SWAP70: variants seen among roughly 807,000 people sequenced by gnomAD.
SWAP70 encodes switching B cell complex subunit SWAP70, also known as switch-associated protein 70.
Under a neutral mutation model 80.2 loss-of-function variants are expected in SWAP70, and 34 were observed. That is an observed-to-expected ratio of 0.42 (90% CI 0.32 to 0.56). SWAP70 has a LOEUF of 0.56. Among genes scored for constraint, SWAP70 ranks in the 20% least tolerant of loss-of-function variants. The pLI, the probability that SWAP70 is intolerant of heterozygous loss-of-function variation, is 0.09. For missense variants in SWAP70, 578 were observed against 690.7 expected (o/e 0.84, Z 1.83); for synonymous variants, 239 against 238.5 (o/e 1.00, Z -0.02).
chr11:9,680,251 TAGA>T (rs1173455640), intron 1 of SWAP70, among the ~76,000 whole-genome samples: 1 of 152,162 alleles, frequency 6.6e-6, no homozygotes, highest in Non-Finnish European at 1.5e-5. Context: ...CTAGAGTGTG[TAGA>T]AGATGACCAC....
chr11:9,737,270 C>T (rs116708260), intron 7 of SWAP70, among the ~76,000 whole-genome samples: 64 of 152,026 alleles, frequency 4.2e-4, no homozygotes, highest in African/African-American at 1.5e-3. Context: ...TTTGGGGTTC[C>T]ATCTGCCAGG....
intron 2 of SWAP70, among the ~76,000 whole-genome samples, chr11:9,706,691 A>G (rs1850919348): frequency 6.6e-6 from 1 of 152,198 alleles, no homozygotes; most frequent in South Asian, 2.1e-4. Context: ...CTCTGGAGAC[A>G]TAAAAATAGG....
At chr11:9,715,312 C>T (rs993746353) in intron 3 of SWAP70, among the ~76,000 whole-genome samples, 1 of 152,008 alleles carries the variant, frequency 6.6e-6, no homozygotes, top group Non-Finnish European at 1.5e-5. Flanking sequence ...TGCTGGATAG[C>T]TTACAGAATC....
At chr11:9,732,398 C>T (rs534396632) in intron 6 of SWAP70, 131 bp from the exon 7 acceptor site, 16 of 965,164 alleles carry the variant, frequency 1.7e-5, no homozygotes, top group Middle Eastern at 2.7e-4. Flanking sequence ...TATGGAGTGA[C>T]AAAATCAGAA....
chr11:9,724,856 A>G lies in SWAP70; in HGVS notation c.613A>G (p.Asn205Asp), dbSNP rs779703255. 1 of 1,612,846 alleles carries G rather than the reference A, an allele frequency of 6.2e-7. No homozygotes were observed. Among genetic ancestry groups the G allele is most frequent in the South Asian group, 1.1e-5 (1 of 90,988 alleles). Residue 205 changes from asparagine (N) to aspartate (D), a missense_variant, in exon 4 of 12, where the codon AAT becomes GAT. Transcript: ENST00000318950. ...GTCTATGGCAATTAATGAAGTCTTT[A>G]ATGAACTTATATTAGATGTGTTAAA... ...TVSMAINEVF[N>D]ELILDVLKQG...
At chr11:9,715,728 G>A (rs1383000602) in intron 3 of SWAP70, among the ~76,000 whole-genome samples, 1 of 152,210 alleles carries the variant, frequency 6.6e-6, no homozygotes, top group East Asian at 1.9e-4. Context: ...AGAACAGCAC[G>A]GGAAAGACCT....
At chr11:9,687,574 T>G (rs575996704) in intron 1 of SWAP70, among the ~76,000 whole-genome samples, 4 of 152,348 alleles carry the variant, frequency 2.6e-5, no homozygotes, top group African/African-American at 9.6e-5. Flanking sequence ...AGGGGTAAGT[T>G]GGTAAGTTAT....
intron 3 of SWAP70, chr11:9,720,096 C>T (rs754834931): frequency 6.5e-5 from 64 of 985,154 alleles, no homozygotes; most frequent in Non-Finnish European, 6.7e-5. Context: ...GAGACTAAAA[C>T]GGCAACACAT....
intron 1 of SWAP70, among the ~76,000 whole-genome samples, chr11:9,685,124 T>C (rs1286602267): frequency 6.6e-6 from 1 of 151,942 alleles, no homozygotes; most frequent in African/African-American, 2.4e-5. Flanking sequence ...TTTCTTTTTT[T>C]TTTTTTTTGA....
Position 9,723,974 on chromosome 11 carries a change from A to G in SWAP70, c.415-684A>G, listed in dbSNP as rs542045424. Among the ~76,000 whole-genome samples the G allele has an allele frequency of 1.2e-4, 19 of 152,232 alleles. No individual in the cohort carries two copies. The South Asian group carries it at 3.5e-3, about 28-fold the overall frequency. ...TTTTTAGTAGAGACAGGGTTTCGCC[A>G]TGTTGGCCAGGCTGGTCTTGAACTC... On this transcript the variant is annotated intron_variant, in intron 3 of 11. Coordinates refer to ENST00000318950, the MANE Select transcript of SWAP70 (RefSeq NM_015055.4).
chr11:9,664,483 T>C (rs2134407684), intron 1 of SWAP70, among the ~76,000 whole-genome samples: 1 of 152,152 alleles, frequency 6.6e-6, no homozygotes, highest in South Asian at 2.1e-4. Flanking sequence ...ATGCCCTCGG[T>C]TGGATGTGTT....
chr11:9,733,375 C>T (rs966605264), intron 7 of SWAP70, among the ~76,000 whole-genome samples: 10 of 152,190 alleles, frequency 6.6e-5, no homozygotes, highest in Middle Eastern at 3.2e-3. Context: ...AGCTCAAGGA[C>T]TCTTTCATGC....
chr11:9,665,280 G>A (rs1850294644), intron 1 of SWAP70, among the ~76,000 whole-genome samples: 1 of 152,120 alleles, frequency 6.6e-6, no homozygotes, highest in Non-Finnish European at 1.5e-5. Context: ...TGGCTTTTAT[G>A]CCAGTAGGAC....
chr11:9,713,799 A>G (rs1406812247), intron 3 of SWAP70, among the ~76,000 whole-genome samples, 160 bp downstream of exon 3: 7 of 152,228 alleles, frequency 4.6e-5, no homozygotes, highest in Non-Finnish European at 8.8e-5. Flanking sequence ...AGCTCCAAAT[A>G]TAGTAATTTG....
intron 2 of SWAP70, among the ~76,000 whole-genome samples, chr11:9,706,731 G>T (rs1271508661): frequency 6.6e-6 from 1 of 152,006 alleles, no homozygotes; most frequent in Non-Finnish European, 1.5e-5. Context: ...TTTCTGACTT[G>T]CATTTTTCAC....
At chr11:9,689,956 G>A (rs1327992742) in intron 1 of SWAP70, among the ~76,000 whole-genome samples, 2 of 152,156 alleles carry the variant, frequency 1.3e-5, no homozygotes, top group African/African-American at 2.4e-5. Flanking sequence ...TGTATTGGCA[G>A]GGCTATCTGT....
chr11:9,672,376 T>G (rs578207616), intron 1 of SWAP70, among the ~76,000 whole-genome samples: 70 of 150,956 alleles, frequency 4.6e-4, no homozygotes, highest in Non-Finnish European at 8.6e-4. Flanking sequence ...ATTTATTTAT[T>G]TATTTTGAGA....
At chr11:9,688,853 G>A (rs564894432) in intron 1 of SWAP70, among the ~76,000 whole-genome samples, 103 of 152,264 alleles carry the variant, frequency 6.8e-4, no homozygotes, top group African/African-American at 2.4e-3. Context: ...GAGTCCATGC[G>A]GGAATGGGCA....
chr11:9,743,103 A>T (rs1249437106), intron 9 of SWAP70, among the ~76,000 whole-genome samples: 1 of 132,254 alleles, frequency 7.6e-6, no homozygotes, highest in African/African-American at 2.8e-5. Context: ...CCTGTGTCCA[A>T]GTGTTCTCAT....
Sources: gnomAD v4.1 joint callset for allele counts (sites outside exome capture counted in the v4.1 genomes callset) on GRCh38, gnomAD v4.1.1 for gene constraint, MANE v1.5 for transcripts, NCBI Gene and HGNC (gene_info 2026-07-23, HGNC 2026-07-21) for gene names.